Variants in ITFG1 observed in about 807,000 individuals in gnomAD.
ITFG1 encodes the protein T-cell immunomodulatory protein.
In ITFG1, 34 loss-of-function variants were observed where a neutral mutation model predicts 81.8. The ratio of observed to expected loss-of-function variants is 0.42; its 90% CI spans 0.32 to 0.55. ITFG1 has a LOEUF of 0.55. ITFG1 is among the 20% of genes least tolerant of loss of function. ITFG1 has a pLI of 0.17. For missense variants in ITFG1, 672 were observed against 755.4 expected (o/e 0.89, Z 1.29); for synonymous variants, 285 against 270.6 (o/e 1.05, Z -0.52).
chr16:47,216,569 G>A (rs1965627316), intron 14 of ITFG1, among the ~76,000 whole-genome samples: 1 of 152,114 alleles, frequency 6.6e-6, no homozygotes. Context: ...AAAGTGGAAA[G>A]TGAATCTCTT....
chr16:47,193,511 A>G (rs1320773481), intron 14 of ITFG1, among the ~76,000 whole-genome samples: 1 of 152,148 alleles, frequency 6.6e-6, no homozygotes, highest in Non-Finnish European at 1.5e-5. Flanking sequence ...CCTGGGCAAC[A>G]TGGTGAAACC....
chr16:47,377,535 T>TA (rs1968342509), intron 6 of ITFG1, among the ~76,000 whole-genome samples: 1 of 152,204 alleles, frequency 6.6e-6, no homozygotes, highest in African/African-American at 2.4e-5. Flanking sequence ...CGCCAGATTT[T>TA]ATCATGTTTT....
intron 6 of ITFG1, among the ~76,000 whole-genome samples, chr16:47,414,682 G>A (rs963503850): frequency 2.6e-5 from 4 of 152,092 alleles, no homozygotes; most frequent in South Asian, 2.1e-4. Context: ...AATTCCATTC[G>A]GATAAAAAAG....
chr16:47,315,789 A>G (rs1411180586), intron 8 of ITFG1, among the ~76,000 whole-genome samples: 2 of 151,786 alleles, frequency 1.3e-5, no homozygotes, highest in Non-Finnish European at 2.9e-5. Context: ...ACACATATAT[A>G]TAATTTATTA....
At chr16:47,430,736 A>G (rs1218116659) in intron 5 of ITFG1, among the ~76,000 whole-genome samples, 2 of 152,240 alleles carry the variant, frequency 1.3e-5, no homozygotes, top group Non-Finnish European at 2.9e-5. Context: ...TGAAAGAACT[A>G]AAAGGATCTC....
chr16:47,361,264 A>G (rs1036296377), intron 8 of ITFG1, among the ~76,000 whole-genome samples: 1 of 152,122 alleles, frequency 6.6e-6, no homozygotes, highest in African/African-American at 2.4e-5. Context: ...GACATTTACA[A>G]TAATTCAATC....
intron 10 of ITFG1, among the ~76,000 whole-genome samples, chr16:47,281,570 T>C (rs943670090): frequency 6.6e-6 from 1 of 152,184 alleles, no homozygotes. Context: ...TATACAATGG[T>C]TCCTATGATC....
At position 47,218,557 on chromosome 16, in the gene ITFG1, T is replaced by A. The variant is rs190657411; in HGVS notation, c.1453+311A>T. The stretch of plus-strand genomic sequence containing the variant: ...GTCTTCTAAGATGAACTTAATTAAC[T>A]AATTTGCACTTCACTTTCTGACCAA... On this transcript the variant is annotated intron_variant, in intron 14 of 17. Coordinates refer to ENST00000320640, the MANE Select transcript of ITFG1 (RefSeq NM_030790.5). 3.6e-5 allele frequency: 6 copies of A among 167,964 alleles called. No homozygotes were observed. In the East Asian group the frequency reaches 9.5e-4, roughly 27 times the overall value. The allele number at this position is 167,964 out of a possible 1,614,324, so 10.4% of individuals were successfully genotyped here.
intron 5 of ITFG1, among the ~76,000 whole-genome samples, chr16:47,433,142 C>T (rs1275468799): frequency 2.0e-5 from 3 of 152,150 alleles, no homozygotes; most frequent in Non-Finnish European, 2.9e-5. Flanking sequence ...TACCTTGTGA[C>T]ATTTTTTCCT....
chr16:47,295,119 GT>G (rs1472207444), intron 10 of ITFG1, among the ~76,000 whole-genome samples: 1 of 152,152 alleles, frequency 6.6e-6, no homozygotes, highest in African/African-American at 2.4e-5. Flanking sequence ...TGATCATACA[GT>G]TTTTAACACT....
chr16:47,277,126 A>G (rs972249279), intron 10 of ITFG1, among the ~76,000 whole-genome samples: 3 of 152,198 alleles, frequency 2.0e-5, no homozygotes, highest in African/African-American at 7.2e-5. Flanking sequence ...TATCATTACT[A>G]TTGTGGCAGC....
intron 14 of ITFG1, among the ~76,000 whole-genome samples, chr16:47,180,204 G>A (rs1965088516): frequency 6.6e-6 from 1 of 152,138 alleles, no homozygotes; most frequent in Non-Finnish European, 1.5e-5. Flanking sequence ...AGTTGTTTTA[G>A]TTTTCCTTGA....
intron 8 of ITFG1, among the ~76,000 whole-genome samples, chr16:47,327,620 A>C (rs1197155870): frequency 6.6e-6 from 1 of 152,212 alleles, no homozygotes; most frequent in African/African-American, 2.4e-5. Flanking sequence ...AACTCAAACA[A>C]ATTTACAAGA....
At chr16:47,386,712 G>T (rs761692607) in intron 6 of ITFG1, among the ~76,000 whole-genome samples, 24 of 152,216 alleles carry the variant, frequency 1.6e-4, no homozygotes, top group Admixed American at 3.9e-4. Flanking sequence ...GCCTCTCAGG[G>T]GGAAAGTGTG....
intron 14 of ITFG1, among the ~76,000 whole-genome samples, chr16:47,205,829 TATCTATC>T (rs1050530442): frequency 1.0e-4 from 1 of 9,716 alleles, no homozygotes; most frequent in African/African-American, 3.4e-4. Flanking sequence ...GGAATTAAAT[TATCTATC>T]TATCTATCTA....
chr16:47,449,914 G>C (rs1222556088), intron 5 of ITFG1: 3 of 152,184 alleles, frequency 2.0e-5, no homozygotes, highest in Non-Finnish European at 4.4e-5. Context: ...AACAATAGCT[G>C]TTTCACTTTC....
chr16:47,238,304 T>C (rs1055612688), intron 12 of ITFG1: 2 of 196,520 alleles, frequency 1.0e-5, no homozygotes, highest in Non-Finnish European at 2.1e-5. Flanking sequence ...ATTTTCCAAT[T>C]AGTTAGCTAA....
chr16:47,425,228 C>T (rs957599543), intron 6 of ITFG1, among the ~76,000 whole-genome samples: 1 of 152,180 alleles, frequency 6.6e-6, no homozygotes. Flanking sequence ...AGCAACACTC[C>T]GTGGGTGTGG....
chr16:47,258,878 G>T lies in ITFG1; in HGVS notation c.1222-138C>A, dbSNP rs186933001. 14 of 480,920 alleles carry T rather than the reference G, an allele frequency of 2.9e-5. 1 individual carries two copies. The South Asian group carries it at 4.1e-4, about 14-fold the overall frequency. The allele number at this position is 480,920 out of a possible 1,614,324, so 29.8% of individuals were successfully genotyped here. ...TCATCCTCATGTTTAAAATAAAATC[G>T]CTATTAAAAATAGGTAGTATATACA... On this transcript the variant is annotated intron_variant, in intron 11 of 17. Coordinates refer to ENST00000320640, the MANE Select transcript of ITFG1 (RefSeq NM_030790.5).
Sources: allele counts gnomAD v4.1 joint callset (sites outside exome capture counted in the v4.1 genomes callset), GRCh38; gene constraint gnomAD v4.1.1; transcripts MANE v1.5; gene names NCBI Gene and HGNC (gene_info 2026-07-23, HGNC 2026-07-21).